Variants in GRM5 observed in about 807,000 individuals in gnomAD.
GRM5 encodes metabotropic glutamate receptor 5.
Under a neutral mutation model 83.1 loss-of-function variants are expected in GRM5, and 19 were observed. The ratio of observed to expected loss-of-function variants is 0.23; its 90% CI spans 0.16 to 0.34. The LOEUF (loss-of-function observed/expected upper bound fraction) is 0.34. Among genes scored for constraint, GRM5 ranks in the 10% least tolerant of loss-of-function variants. The probability of loss-of-function intolerance (pLI) is 1.00; values close to 1 mark genes in which losing one functional copy is unlikely to be tolerated. For missense variants in GRM5, 1,160 were observed against 1,588.3 expected (o/e 0.73, Z 4.58); for synonymous variants, 675 against 633.6 (o/e 1.07, Z -0.98).
intron 9 of GRM5, among the ~76,000 whole-genome samples, chr11:88,509,764 T>A (rs1235113507): frequency 1.3e-5 from 2 of 152,198 alleles, no homozygotes; most frequent in East Asian, 3.8e-4. Context: ...GGGATGCTTG[T>A]CAGGATGAAG....
At chr11:88,668,212 G>GCACACACACACACACACA (rs71046259) in intron 3 of GRM5, among the ~76,000 whole-genome samples, 3 of 142,674 alleles carry the variant, frequency 2.1e-5, no homozygotes, top group South Asian at 4.6e-4. Flanking sequence ...GCAGAAACTC[G>GCACACACACACACACACA]CACACACACA....
In GRM5 at chr11:88,517,891, C is replaced by T. The variant is rs142895969; in HGVS notation, c.2726+7418G>A. On this transcript the variant is annotated intron_variant, in intron 9 of 9. Coordinates refer to ENST00000305447, the MANE Select transcript of GRM5 (RefSeq NM_001143831.3). ...TACTGAATTATCTACAAAAACTATA[C>T]ATTTGTACATAAATGTGTGCATATA... is the stretch of plus-strand genomic sequence containing the variant. 6.8e-3 allele frequency among the ~76,000 whole-genome samples: 1,034 copies of T among 152,108 alleles called. 12 individuals are homozygous for T. Among genetic ancestry groups the T allele is most frequent in the African/African-American group, 0.024 (977 of 41,534 alleles).
At chr11:88,644,789 G>C (rs1041347741) in intron 4 of GRM5, among the ~76,000 whole-genome samples, 3 of 152,120 alleles carry the variant, frequency 2.0e-5, no homozygotes, top group African/African-American at 4.8e-5. Flanking sequence ...ACTGAGAAGA[G>C]AGGAGGGAAA....
chr11:88,708,311 A>C (rs1349887830), intron 3 of GRM5, among the ~76,000 whole-genome samples: 3 of 152,222 alleles, frequency 2.0e-5, no homozygotes, highest in African/African-American at 7.2e-5. Flanking sequence ...AGTTGATCTA[A>C]AAGGCTGAAT....
chr11:88,995,557 A>G (rs967975502), intron 2 of GRM5, among the ~76,000 whole-genome samples: 14 of 150,628 alleles, frequency 9.3e-5, no homozygotes, highest in Non-Finnish European at 2.1e-4. Flanking sequence ...AAAAAAAAAA[A>G]AAAAAAAAAA....
At chr11:89,051,337 G>A (rs1941757422) in intron 1 of GRM5, among the ~76,000 whole-genome samples, 1 of 152,162 alleles carries the variant, frequency 6.6e-6, no homozygotes, top group African/African-American at 2.4e-5. Flanking sequence ...AAGAACATGG[G>A]AGGCATGATG....
At chr11:88,810,970 A>G (rs1437392541) in intron 3 of GRM5, among the ~76,000 whole-genome samples, 1 of 152,172 alleles carries the variant, frequency 6.6e-6, no homozygotes, top group Non-Finnish European at 1.5e-5. Flanking sequence ...CATCTGTAAA[A>G]CGGGAACAAG....
intron 4 of GRM5, among the ~76,000 whole-genome samples, chr11:88,623,915 T>TA (rs1938714009): frequency 1.3e-5 from 2 of 152,172 alleles, no homozygotes; most frequent in South Asian, 4.1e-4. Context: ...TTATTTATCC[T>TA]AAAAAAGTCA....
intron 3 of GRM5, among the ~76,000 whole-genome samples, chr11:88,811,154 C>A (rs1943582552): frequency 6.6e-6 from 1 of 151,978 alleles, no homozygotes; most frequent in Non-Finnish European, 1.5e-5. Context: ...GGGGGTGGAT[C>A]ACTTAGAAGG....
chr11:88,970,382 G>A (rs190821595), intron 2 of GRM5, among the ~76,000 whole-genome samples: 101 of 152,226 alleles, frequency 6.6e-4, no homozygotes, highest in African/African-American at 2.3e-3. Flanking sequence ...AGAGTGAAGA[G>A]GTAGTGAAGG....
At chr11:88,532,203 T>C (rs549066396) in intron 8 of GRM5, among the ~76,000 whole-genome samples, 1 of 151,918 alleles carries the variant, frequency 6.6e-6, no homozygotes, top group East Asian at 1.9e-4. Context: ...TGGGTAGGAG[T>C]GTGTTCTTCA....
intron 2 of GRM5, among the ~76,000 whole-genome samples, chr11:88,930,388 C>T (rs1453271371): frequency 1.3e-5 from 2 of 151,980 alleles, no homozygotes; most frequent in African/African-American, 2.4e-5. Flanking sequence ...TATTCCAGCC[C>T]GGGCAACAGA....
chr11:88,700,749 T>C (rs553407768), intron 3 of GRM5, among the ~76,000 whole-genome samples: 1 of 152,216 alleles, frequency 6.6e-6, no homozygotes, highest in South Asian at 2.1e-4. Flanking sequence ...GACATGTAGA[T>C]GGGACCCACT....
At chr11:88,810,447 C>A (rs865948948) in intron 3 of GRM5, among the ~76,000 whole-genome samples, 6 of 151,986 alleles carry the variant, frequency 3.9e-5, no homozygotes, top group African/African-American at 1.5e-4. Context: ...CATGAAGAAA[C>A]AGCTGAGAAA....
At chr11:88,824,641 C>G (rs1472651875) in intron 3 of GRM5, among the ~76,000 whole-genome samples, 1 of 152,142 alleles carries the variant, frequency 6.6e-6, no homozygotes, top group Non-Finnish European at 1.5e-5. Flanking sequence ...TTTTACGCTC[C>G]TATGAGAATC....
At chr11:88,612,185 T>C (rs1203769764) in intron 4 of GRM5, among the ~76,000 whole-genome samples, 1 of 146,970 alleles carries the variant, frequency 6.8e-6, no homozygotes, top group Non-Finnish European at 1.5e-5. Flanking sequence ...ATCTCTTTGT[T>C]CAATTCCCAC....
At chr11:88,515,969 T>A (rs1010828235) in intron 9 of GRM5, among the ~76,000 whole-genome samples, 5 of 152,184 alleles carry the variant, frequency 3.3e-5, no homozygotes, top group African/African-American at 1.2e-4. Context: ...TCACAAGGTG[T>A]TTTCACCTAT....
chr11:88,671,426 T>TAA (rs1191086989), intron 3 of GRM5, among the ~76,000 whole-genome samples: 16 of 152,160 alleles, frequency 1.1e-4, no homozygotes, highest in Admixed American at 6.6e-4. Flanking sequence ...AACCTGTCTT[T>TAA]AACTGCCAGC....
At chr11:88,990,043 A>C (rs1467773182) in intron 2 of GRM5, among the ~76,000 whole-genome samples, 3 of 151,870 alleles carry the variant, frequency 2.0e-5, no homozygotes, top group African/African-American at 7.3e-5. Flanking sequence ...GAGACACAAA[A>C]AACTCTTCAA....
Sources: allele counts gnomAD v4.1 joint callset (sites outside exome capture counted in the v4.1 genomes callset), GRCh38; gene constraint gnomAD v4.1.1; transcripts MANE v1.5; gene names NCBI Gene and HGNC (gene_info 2026-07-23, HGNC 2026-07-21).